Variants in ABCA1 observed in about 807,000 individuals in gnomAD.
ABCA1 encodes the protein ATP binding cassette subfamily A member 1.
Under a neutral mutation model 262.5 loss-of-function variants are expected in ABCA1, and 133 were observed. That is an observed-to-expected ratio of 0.51 (90% CI 0.44 to 0.59). The LOEUF (loss-of-function observed/expected upper bound fraction) is 0.59, where lower values mean the gene tolerates loss of function less well. Ranked by LOEUF, ABCA1 falls within the 20% of genes least tolerant of loss-of-function variation. ABCA1 has a pLI of 0.00. For synonymous variants in ABCA1, 1,022 were observed against 1,043.5 expected (o/e 0.98, Z 0.40); for missense variants, 2,452 against 2,777.5 (o/e 0.88, Z 2.63).
chr9:104,815,422 T>C lies in ABCA1; in HGVS notation c.3738+721A>G, dbSNP rs892566641. Among the ~76,000 whole-genome samples, 6 of 152,182 alleles carry C rather than the reference T, an allele frequency of 3.9e-5. No individual in the cohort carries two copies. In the South Asian group the frequency reaches 1.0e-3, roughly 26 times the overall value. On this transcript the variant is annotated intron_variant, in intron 25 of 49. Coordinates refer to ENST00000374736, the MANE Select transcript of ABCA1 (RefSeq NM_005502.4). Reference sequence around the variant, plus strand: ...GGAGACCACTTGGCCAGACAGCTTTTATATCCCCTTCAGCCTTCAAGGTCT... The same window carrying C: ...GGAGACCACTTGGCCAGACAGCTTTCATATCCCCTTCAGCCTTCAAGGTCT...
At chr9:104,784,645 GA>G (rs1351061359) in intron 49 of ABCA1, among the ~76,000 whole-genome samples, 190 bp from the exon 50 acceptor site, 1 of 151,618 alleles carries the variant, frequency 6.6e-6, no homozygotes, top group African/African-American at 2.4e-5. Context: ...CTTAAAAATA[GA>G]CTTTTTTTCC....
At chr9:104,867,461 G>C (rs1837201061) in intron 5 of ABCA1, among the ~76,000 whole-genome samples, 1 of 152,192 alleles carries the variant, frequency 6.6e-6, no homozygotes, top group Non-Finnish European at 1.5e-5. Flanking sequence ...ATTCAGAATA[G>C]ACAAGACACA....
intron 5 of ABCA1, among the ~76,000 whole-genome samples, chr9:104,862,648 C>CAGGG (rs1836580222): frequency 1.4e-3 from 6 of 4,314 alleles, no homozygotes; most frequent in African/African-American, 4.0e-3. Flanking sequence ...CCGGGCCGGG[C>CAGGG]CGGGCCGGGC....
chr9:104,806,284 A>G lies in ABCA1; in HGVS notation c.4421T>C (p.Leu1474Pro). The G allele has an allele frequency of 6.2e-7, 1 of 1,613,936 alleles. No homozygotes were observed. Among genetic ancestry groups the G allele is most frequent in the Non-Finnish European group, 8.5e-7 (1 of 1,180,028 alleles). The change falls in exon 31 of 50, where the codon CTG becomes CCG. Residue 1474 changes from leucine to proline, a missense_variant. By Grantham distance (98) the Leu-to-Pro change is moderately conservative (BLOSUM62 -3). Around this residue, in one of 4 missense-constraint regions of ABCA1, gnomAD observed 665 missense variants for 727.3 expected, o/e 0.91. Transcript: ENST00000374736. ...QCSSDKIKKM[L>P]PVCPPGAGGL... ...CCCTGCCCCTGGGGGACACACAGGCAGCATCTTCTTGATTTTGTCGCTGCT... is the reference window on the plus strand; with the variant it reads ...CCCTGCCCCTGGGGGACACACAGGCGGCATCTTCTTGATTTTGTCGCTGCT...
chr9:104,831,754 T>A lies in ABCA1; in HGVS notation c.1583A>T (p.Asp528Val). 6.2e-7 allele frequency: 1 copy of A among 1,614,192 alleles called. No homozygotes were observed. The change falls in exon 13 of 50, where the codon GAT becomes GTT. Residue 528 changes from aspartate (D) to valine (V), a missense_variant. By Grantham distance (152) the Asp-to-Val change is radical. This residue lies in a region of ABCA1 where 1,032 missense variants were observed against 1,089.7 expected (regional missense o/e 0.95). Transcript: ENST00000374736. ...AATACCAGCCCAGAACTTCCTCTCA[T>A]CCAGCAGCTCCATGGACTTGTTGAT... ...WLINKSMELLDERKFWAGIVF... is the reference protein window; with the variant it reads ...WLINKSMELLVERKFWAGIVF...
intron 7 of ABCA1, among the ~76,000 whole-genome samples, chr9:104,849,102 T>C (rs574657923): frequency 6.6e-6 from 1 of 152,332 alleles, no homozygotes; most frequent in Admixed American, 6.5e-5. Flanking sequence ...GCAATAGTTT[T>C]TCCAACATCT....
rs190879012 is a variant in ABCA1 at position 104,822,057 on chromosome 9, T to C, written c.2828+439A>G. Among the ~76,000 whole-genome samples, 11 of 152,340 alleles carry C rather than the reference T, an allele frequency of 7.2e-5. 1 individual carries two copies. The highest frequency in any genetic ancestry group is 2.6e-4 in the Admixed American group (4 of 15,306). On this transcript the variant is annotated intron_variant, in intron 19 of 49. Coordinates refer to ENST00000374736, the MANE Select transcript of ABCA1 (RefSeq NM_005502.4). ...GCTAACGCTGGTGCTTTACAGCCCC[T>C]GACCCCTCCTGATACTACCCACTGT...
intron 2 of ABCA1, among the ~76,000 whole-genome samples, chr9:104,891,792 C>T (rs1839768792): frequency 6.6e-6 from 1 of 150,512 alleles, no homozygotes; most frequent in Non-Finnish European, 1.5e-5. Context: ...ATGGTGAAAC[C>T]CCATCTCTAC....
In ABCA1 at chr9:104,781,423, G is replaced by A. The variant is rs1828540430; in HGVS notation, c.*2892C>T. 1 of 152,318 alleles carries A rather than the reference G, an allele frequency of 6.6e-6. No homozygotes were observed. Among genetic ancestry groups the A allele is most frequent in the African/African-American group, 2.4e-5 (1 of 41,316 alleles). The allele number at this position is 152,318 out of a possible 1,614,324, so 9.4% of individuals were successfully genotyped here. A position where few individuals can be genotyped will look rare whatever the true frequency, so the allele number is the denominator to read the frequency against. ...TTATTACTAGTAGATAATAACAAGGGTACAAATTAATGTCTCAATATCAAA... is the reference window on the plus strand; with the variant it reads ...TTATTACTAGTAGATAATAACAAGGATACAAATTAATGTCTCAATATCAAA... On this transcript the variant is annotated 3_prime_UTR_variant, in exon 50 of 50. Coordinates refer to ENST00000374736, the MANE Select transcript of ABCA1 (RefSeq NM_005502.4).
At chr9:104,881,835 A>ACCATC (rs1332107182) in intron 5 of ABCA1, among the ~76,000 whole-genome samples, 2 of 151,992 alleles carry the variant, frequency 1.3e-5, no homozygotes, top group Non-Finnish European at 2.9e-5. Flanking sequence ...TCAAGGAAAC[A>ACCATC]GCATCTCGAT....
intron 3 of ABCA1, among the ~76,000 whole-genome samples, chr9:104,887,120 A>T (rs991795984): frequency 6.2e-4 from 94 of 152,284 alleles, no homozygotes; most frequent in African/African-American, 2.2e-3. Context: ...TCTACTAAAA[A>T]TACAAAAATT....
rs756926455 is a variant in ABCA1 at position 104,828,954 on chromosome 9, G to A, written c.2077C>T (p.Leu693Phe). 1.9e-6 allele frequency: 3 copies of A among 1,614,038 alleles called. No individual in the cohort carries two copies. The highest frequency in any genetic ancestry group is 2.5e-6 in the Non-Finnish European group (3 of 1,180,044). Residue 693 changes from leucine to phenylalanine, a missense_variant, in exon 15 of 50, where the codon CTT (leucine) becomes TTT (phenylalanine). Leu to Phe is a conservative substitution (Grantham distance 22, BLOSUM62 0). Around this residue, in one of 4 missense-constraint regions of ABCA1, gnomAD observed 1,032 missense variants for 1,089.7 expected, o/e 0.95. Transcript: ENST00000374736. ...ACTAGCAGGCCAGCGCTCACAAGAA[G>A]AGGAATGAGGCTACTAATGAACCAG... ...FSWFISSLIP[L>F]LVSAGLLVVI...
rs1465900695 is a variant in ABCA1 at position 104,818,774 on chromosome 9, A to C, written c.3351T>G (p.Phe1117Leu). ...AGCCTGTTCCCAGCTGGTTCTTCAGAAACAGGGAGGAGCCCACACAGCACA... is the reference window on the plus strand; with the variant it reads ...AGCCTGTTCCCAGCTGGTTCTTCAGCAACAGGGAGGAGCCCACACAGCACA... Reference protein sequence around the residue: ...GKLCCVGSSLFLKNQLGTGYY... With the variant: ...GKLCCVGSSLLLKNQLGTGYY... Residue 1117 changes from phenylalanine (F) to leucine (L), a missense_variant, in exon 23 of 50, where the codon TTT becomes TTG. Transcript: ENST00000374736. The C allele has an allele frequency of 1.9e-6, 3 of 1,614,026 alleles. No individual in the cohort carries two copies. The highest frequency in any genetic ancestry group is 1.7e-5 in the Admixed American group (1 of 60,028).
At chr9:104,798,280 T>TA (rs2118883923) in intron 37 of ABCA1, 141 bp downstream of exon 37, 1 of 993,134 alleles carries the variant, frequency 1.0e-6, no homozygotes, top group Admixed American at 2.0e-5. Context: ...AGTGATCACC[T>TA]GCCTCTGGCT....
At chr9:104,895,380 G>A (rs1296318483) in intron 2 of ABCA1, among the ~76,000 whole-genome samples, 2 of 152,170 alleles carry the variant, frequency 1.3e-5, no homozygotes, top group Non-Finnish European at 2.9e-5. Context: ...TGTTGTGAGA[G>A]ACTCTCCTAT....
chr9:104,795,937 AAGGC>A (rs1383628326), intron 39 of ABCA1, 112 bp downstream of exon 39: 1 of 1,416,956 alleles, frequency 7.1e-7, no homozygotes, highest in Non-Finnish European at 9.9e-7. Flanking sequence ...AAGACAGGAC[AAGGC>A]AGTCAGCAGT....
At chr9:104,809,320 C>T (rs1450674960) in intron 30 of ABCA1, 146 bp downstream of exon 30, 2 of 848,234 alleles carry the variant, frequency 2.4e-6, no homozygotes, top group African/African-American at 1.7e-5. Flanking sequence ...TTACTACCTT[C>T]GCTTTTTGTA....
intron 1 of ABCA1, among the ~76,000 whole-genome samples, chr9:104,911,888 G>A (rs78425153): frequency 0.025 from 3,878 of 152,238 alleles, 176 homozygotes; most frequent in African/African-American, 0.089. Flanking sequence ...TCATTCCAGA[G>A]GAATTCTATC....
intron 47 of ABCA1, 91 bp from the exon 48 acceptor site, chr9:104,786,481 G>C: frequency 8.8e-7 from 1 of 1,141,432 alleles, no homozygotes; most frequent in Non-Finnish European, 1.3e-6. Context: ...CAGCTTCCTA[G>C]GGAATTGTAT....
Sources: gnomAD v4.1 joint callset for allele counts (sites outside exome capture counted in the v4.1 genomes callset) on GRCh38, gnomAD v4.1.1 for gene constraint, gnomAD v4.1.1 regional missense constraint, MANE v1.5 for transcripts, NCBI Gene and HGNC (gene_info 2026-07-23, HGNC 2026-07-21) for gene names.